The following GIGYF1 variants were observed in gnomAD, a reference collection of about 807,000 sequenced individuals.
GIGYF1 encodes GRB10-interacting GYF protein 1.
GIGYF1 carries 84 observed loss-of-function variants against 147.1 expected under a neutral mutation model. The observed-to-expected ratio is 0.57, with a 90% CI of 0.48 to 0.68. The LOEUF (loss-of-function observed/expected upper bound fraction) is 0.68. Ranked by LOEUF, GIGYF1 falls within the 30% of genes least tolerant of loss-of-function variation. The pLI is 0.00. For missense variants in GIGYF1, 1,485 were observed against 1,393.7 expected (o/e 1.07, Z -1.04); for synonymous variants, 752 against 589.5 (o/e 1.28, Z -3.99).
rs766983114 is a variant in GIGYF1 at position 100,682,998 on chromosome 7, C to G, written c.2412+14G>C. ...AACTGTAGGGGGAGCCCGGGAGGTTCCCGGCCTGCTCACCACTCGGTGGTT... is the reference window on the plus strand; with the variant it reads ...AACTGTAGGGGGAGCCCGGGAGGTTGCCGGCCTGCTCACCACTCGGTGGTT... On this transcript the variant is annotated intron_variant, in intron 22 of 26. Coordinates refer to ENST00000678049, the MANE Select transcript of GIGYF1 (RefSeq NM_001375765.1). 2.0e-6 allele frequency: 3 copies of G among 1,493,300 alleles called. No homozygotes were observed. The East Asian group carries it at 7.3e-5, about 36-fold the overall frequency. The allele number at this position is 1,493,300 out of a possible 1,614,324, so 92.5% of individuals were successfully genotyped here.
At chr7:100,686,906 C>A (rs147313197) in intron 9 of GIGYF1, 87 bp from the exon 10 acceptor site, 2 of 1,601,236 alleles carry the variant, frequency 1.2e-6, no homozygotes, top group Non-Finnish European at 1.7e-6. Flanking sequence ...CAGCTCCAGG[C>A]CCTCCTGCCC....
chr7:100,680,375 AG>A lies in GIGYF1; in HGVS notation c.*1343del, dbSNP rs902880878. 5.2e-5 allele frequency: 8 copies of A among 152,612 alleles called. No homozygotes were observed. Among genetic ancestry groups the A allele is most frequent in the Non-Finnish European group, 1.2e-4 (8 of 68,058 alleles). The allele number at this position is 152,612 out of a possible 1,614,324, so 9.5% of individuals were successfully genotyped here. ...GGAGGAGCTGGATGAGAAACCCAAAAGACAAAACTGTTACAAAACCCAAAAT... is the reference window on the plus strand; with the variant it reads ...GGAGGAGCTGGATGAGAAACCCAAAAACAAAACTGTTACAAAACCCAAAAT... On this transcript the variant is annotated 3_prime_UTR_variant, in exon 27 of 27. Transcript: ENST00000678049.
intron 1 of GIGYF1, among the ~76,000 whole-genome samples, chr7:100,690,619 TA>T (rs937462398): frequency 4.8e-4 from 73 of 151,810 alleles, no homozygotes; most frequent in Non-Finnish European, 8.8e-4. Context: ...CTGTCTCTAC[TA>T]AAAATACAAA....
chr7:100,688,443 G>A lies in GIGYF1; in HGVS notation c.-70+8C>T. On this transcript the variant is annotated splice_region_variant and intron_variant, in intron 3 of 26. Transcript: ENST00000678049. ...CTGGTGGGTCACCTGGGGTCTAAAA[G>A]GACTCACCTGAGCCAGCCACGTGGC... 1 of 698,186 alleles carries A rather than the reference G, an allele frequency of 1.4e-6. No individual in the cohort carries two copies. The highest frequency in any genetic ancestry group is 2.6e-6 in the Non-Finnish European group (1 of 383,654). 43.2% of individuals were successfully genotyped at this position (698,186 alleles called of 1,614,324 possible).
Position 100,686,934 on chromosome 7 carries a change from A to G in GIGYF1, c.523+72T>C. The G allele has an allele frequency of 2.5e-6, 4 of 1,605,544 alleles. No individual in the cohort carries two copies. The South Asian group carries it at 4.4e-5, about 18-fold the overall frequency. On this transcript the variant is annotated intron_variant, in intron 9 of 26. Coordinates refer to ENST00000678049, the MANE Select transcript of GIGYF1 (RefSeq NM_001375765.1). ...TCCTGCCCCCAACACCTCCGAAATA[A>G]GCACCCCCAGACTGGGCCACCCATC...
Position 100,681,687 on chromosome 7 carries a change from C to G in GIGYF1, c.*32G>C, listed in dbSNP as rs768375119. 2.6e-6 allele frequency: 4 copies of G among 1,518,484 alleles called. No homozygotes were observed. The highest frequency in any genetic ancestry group is 2.3e-5 in the East Asian group (1 of 43,964). 94.1% of individuals were successfully genotyped at this position (1,518,484 alleles called of 1,614,324 possible). A position where few individuals can be genotyped will look rare whatever the true frequency, so the allele number is the denominator to read the frequency against. ...GTCCACGCCGCTGTGGCTGCCCTGG[C>G]CTACAGCCCAGGGGCTGGGGGTCCG... is the stretch of plus-strand genomic sequence containing the variant. On this transcript the variant is annotated 3_prime_UTR_variant, in exon 27 of 27. Coordinates refer to ENST00000678049, the MANE Select transcript of GIGYF1 (RefSeq NM_001375765.1).
chr7:100,682,576 G>A lies in GIGYF1; in HGVS notation c.2600+14C>T. Reference sequence around the variant, plus strand: ...CCTCAGGGCCATCCCGGAGCCTCCAGGTGCCACGCCCACCTGAGAGATGGG... The same window carrying A: ...CCTCAGGGCCATCCCGGAGCCTCCAAGTGCCACGCCCACCTGAGAGATGGG... On this transcript the variant is annotated intron_variant, in intron 23 of 26. Coordinates refer to ENST00000678049, the MANE Select transcript of GIGYF1 (RefSeq NM_001375765.1). 2 of 1,592,630 alleles carry A rather than the reference G, an allele frequency of 1.3e-6. No homozygotes were observed. The highest frequency in any genetic ancestry group is 8.5e-7 in the Non-Finnish European group (1 of 1,172,984).
At position 100,682,780 on chromosome 7, in the gene GIGYF1, A is replaced by G; in HGVS notation, c.2413-3T>C. ...GCAGTGCCCAGGCCCCCAAGCTGCT[A>G]CAGATGGCAGAAGATCAGAGTGGCT... On this transcript the variant is annotated splice_polypyrimidine_tract_variant and splice_region_variant and intron_variant, in intron 22 of 26. Coordinates refer to ENST00000678049, the MANE Select transcript of GIGYF1 (RefSeq NM_001375765.1). 11 of 1,520,534 alleles carry G rather than the reference A, an allele frequency of 7.2e-6. No individual in the cohort carries two copies. The highest frequency in any genetic ancestry group is 9.7e-6 in the Non-Finnish European group (11 of 1,136,374). 94.2% of individuals were successfully genotyped at this position (1,520,534 alleles called of 1,614,324 possible). A position where few individuals can be genotyped will look rare whatever the true frequency, so the allele number is the denominator to read the frequency against.
At chr7:100,681,823 C>T (rs1305675663) in intron 26 of GIGYF1, 41 bp downstream of exon 26, 1 of 1,607,190 alleles carries the variant, frequency 6.2e-7, no homozygotes, top group Non-Finnish European at 8.5e-7. Context: ...TCCTCCTGCC[C>T]TGTGCCAAGG....
rs1170311873 is a variant in GIGYF1, at chr7:100,687,861, T to C, written c.188A>G (p.Lys63Arg). Residue 63 changes from lysine to arginine, a missense_variant, in exon 6 of 27, where the codon AAG (lysine) becomes AGG (arginine). By Grantham distance (26) the Lys-to-Arg change is conservative (BLOSUM62 2). Coordinates refer to ENST00000678049, the MANE Select transcript of GIGYF1 (RefSeq NM_001375765.1). Reference protein sequence around the residue: ...ENKVPEELQDKEFAAVLQDEP... With the variant: ...ENKVPEELQDREFAAVLQDEP... ...GTCCTGCAGCACCGCGGCGAACTCC[T>C]TGTCCTGCAGCTCTTCCGGGACCTG... 9.9e-6 allele frequency: 16 copies of C among 1,613,228 alleles called. No homozygotes were observed. Among genetic ancestry groups the C allele is most frequent in the African/African-American group, 2.7e-5 (2 of 74,910 alleles).
chr7:100,688,840 C>T lies in GIGYF1; in HGVS notation c.-383G>A, dbSNP rs961200515. 1.1e-5 allele frequency: 2 copies of T among 186,296 alleles called. No individual in the cohort carries two copies. Among genetic ancestry groups the T allele is most frequent in the Non-Finnish European group, 2.3e-5 (2 of 87,210 alleles). 11.5% of individuals were successfully genotyped at this position (186,296 alleles called of 1,614,324 possible). A position where few individuals can be genotyped will look rare whatever the true frequency, so the allele number is the denominator to read the frequency against. ...TGGTGTCTCTGGGCATCAGCACCCT[C>T]GCCACCCTCTCTGGGAGGCTGAGAC... On this transcript the variant is annotated 5_prime_UTR_variant, in exon 2 of 27. Coordinates refer to ENST00000678049, the MANE Select transcript of GIGYF1 (RefSeq NM_001375765.1).
chr7:100,687,174 G>A, intron 8 of GIGYF1, 124 bp downstream of exon 8: 1 of 1,468,240 alleles, frequency 6.8e-7, no homozygotes, highest in Non-Finnish European at 9.5e-7. Flanking sequence ...GAAACCAGGG[G>A]TCAGGAGCAC....
In GIGYF1 at chr7:100,684,871, G is replaced by A. The variant is rs1230572132; in HGVS notation, c.1314C>T (p.Ser438=). The A allele has an allele frequency of 6.2e-7, 1 of 1,604,740 alleles. No individual in the cohort carries two copies. The highest frequency in any genetic ancestry group is 8.5e-7 in the Non-Finnish European group (1 of 1,174,892). ...CCTCCTCCAAGGAGCTGTCCTGCAG[G>A]GAGGCCACCAGCTTCTCCGCCTCCT... ...LQQEAEKLVA[S]LQDSSLEEEQ... The change falls in exon 15 of 27, where the codon TCC becomes TCT. Residue 438 remains serine, a synonymous_variant. Coordinates refer to ENST00000678049, the MANE Select transcript of GIGYF1 (RefSeq NM_001375765.1).
chr7:100,693,886 G>A (rs1206435732), intron 1 of GIGYF1: 1 of 151,618 alleles, frequency 6.6e-6, no homozygotes, highest in Non-Finnish European at 1.5e-5. Flanking sequence ...CTGGGGGAGG[G>A]TCCCGGCGGC....
chr7:100,690,542 G>A (rs1167661512), intron 1 of GIGYF1, among the ~76,000 whole-genome samples: 1 of 152,204 alleles, frequency 6.6e-6, no homozygotes, highest in Non-Finnish European at 1.5e-5. Context: ...AGCACTTTGG[G>A]AGGCCAAGGC....
intron 3 of GIGYF1, 30 bp from the exon 4 acceptor site, chr7:100,688,337 G>C (rs1301990102): frequency 2.8e-6 from 3 of 1,053,778 alleles, no homozygotes; most frequent in Middle Eastern, 2.2e-4. Context: ...ATGAAGAACA[G>C]CACACGAAGG....
chr7:100,685,319 G>T, intron 13 of GIGYF1, 25 bp downstream of exon 13: 1 of 1,574,284 alleles, frequency 6.4e-7, no homozygotes, highest in Non-Finnish European at 8.6e-7. Flanking sequence ...GCGCACCCGG[G>T]AGGTAGGCCA....
chr7:100,689,307 G>C lies in GIGYF1; in HGVS notation c.-850C>G, dbSNP rs578118413. The C allele has an allele frequency of 7.9e-5, 12 of 152,536 alleles. No homozygotes were observed. Among genetic ancestry groups the C allele is most frequent in the African/African-American group, 2.4e-4 (10 of 41,586 alleles). 9.4% of individuals were successfully genotyped at this position (152,536 alleles called of 1,614,324 possible). On this transcript the variant is annotated 5_prime_UTR_variant, in exon 2 of 27. Coordinates refer to ENST00000678049, the MANE Select transcript of GIGYF1 (RefSeq NM_001375765.1). ...GAACGAGGATCTCAGGATACCAGCT[G>C]GGAAGCAGCCTCTGGCACCATCAGG... is the stretch of plus-strand genomic sequence containing the variant.
rs375425147 is a variant in GIGYF1 at position 100,687,996 on chromosome 7, G to A, written c.150C>T (p.Tyr50=). ...ACGCACCCACCTTGTTCTCCTTGACGTAGAGAGCCAGCATTTCCTCTCGCC... is the reference window on the plus strand; with the variant it reads ...ACGCACCCACCTTGTTCTCCTTGACATAGAGAGCCAGCATTTCCTCTCGCC... ...RYGREEMLAL[Y]VKENKVPEEL... is the part of the protein sequence containing the mutation. Residue 50 remains tyrosine (Y), a synonymous_variant, in exon 5 of 27, where the codon TAC becomes TAT. Transcript: ENST00000678049. 34 of 1,612,628 alleles carry A rather than the reference G, an allele frequency of 2.1e-5. No homozygotes were observed. The highest frequency in any genetic ancestry group is 4.5e-5 in the East Asian group (2 of 44,858).
Sources: gnomAD v4.1 joint callset for allele counts (sites outside exome capture counted in the v4.1 genomes callset) on GRCh38, gnomAD v4.1.1 for gene constraint, MANE v1.5 for transcripts, NCBI Gene and HGNC (gene_info 2026-07-23, HGNC 2026-07-21) for gene names.